Variants in ZNF69 observed in about 807,000 individuals in gnomAD.
ZNF69 encodes the protein zinc finger protein 69, also known as ZNF3.
In ZNF69, 47 loss-of-function variants were observed where a neutral mutation model predicts 50.9. The ratio of observed to expected loss-of-function variants is 0.92; its 90% CI spans 0.73 to 1.18. The LOEUF is 1.18. ZNF69 is among the 50% of genes most tolerant of loss of function. The pLI is 0.00. For missense variants in ZNF69, 717 were observed against 675.1 expected, an observed-to-expected ratio of 1.06 and a Z score of -0.69; for synonymous variants, 216 against 223.1, an observed-to-expected ratio of 0.97 and a Z score of 0.29.
In ZNF69 at chr19:11,887,933, T is replaced by C. The variant is rs1976986224; in HGVS notation, c.10T>C (p.Cys4Arg). The C allele has an allele frequency of 6.2e-7, 1 of 1,612,060 alleles. No homozygotes were observed. Among genetic ancestry groups the C allele is most frequent in the African/African-American group, 1.3e-5 (1 of 74,848 alleles). Residue 4 changes from cysteine to arginine, a missense_variant, in exon 1 of 4, where the codon TGT becomes CGT. By Grantham distance (180) the Cys-to-Arg change is radical. Coordinates refer to ENST00000429654, the MANE Select transcript of ZNF69 (RefSeq NM_001364730.1). Reference protein sequence around the residue: MPCCSHRRCREDPG... With the variant: MPCRSHRRCREDPG... ...CTCTGTCACCTACGCTATGCCCTGCTGTAGTCACAGGAGGTGTAGAGAGGA... is the reference window on the plus strand; with the variant it reads ...CTCTGTCACCTACGCTATGCCCTGCCGTAGTCACAGGAGGTGTAGAGAGGA...
the ZNF69 span, among the ~76,000 whole-genome samples, chr19:11,920,655 A>T: frequency 6.7e-4 from 2 of 2,982 alleles, no homozygotes; most frequent in East Asian, 0.12. Context: ...TGGGAGGCTG[A>T]GGGGGGTGCA....
At chr19:11,976,107 A>G in the ZNF69 span, among the ~76,000 whole-genome samples, 2,721 of 140,110 alleles carry the variant, frequency 0.019, 34 homozygotes, top group African/African-American at 0.027. Context: ...TGTCCCAGGG[A>G]CTCTCTCTCC....
chr19:11,907,920 G>A (rs888058983), downstream of ZNF69, among the ~76,000 whole-genome samples: 3 of 152,172 alleles, frequency 2.0e-5, no homozygotes, highest in African/African-American at 7.2e-5. Flanking sequence ...GCTGTATTCA[G>A]GAGACCCATC....
Position 11,887,984 on chromosome 19 carries a change from A to G in ZNF69, c.61A>G (p.Met21Val). The G allele has an allele frequency of 1.2e-6, 2 of 1,605,462 alleles. No homozygotes were observed. The highest frequency in any genetic ancestry group is 2.3e-5 in the East Asian group (1 of 44,258). ...CCCCGGGACATCTGAAAGCCAGGAA[A>G]TGGTGCGTGTCTGGGGCCGGGTGTC... ...EDPGTSESQEMDPVAFDDVAV... is the reference protein window; with the variant it reads ...EDPGTSESQEVDPVAFDDVAV... The change falls in exon 1 of 4, where the codon ATG (methionine) becomes GTG (valine). Residue 21 changes from methionine (M) to valine (V), a missense_variant and splice_region_variant. By Grantham distance (21) the Met-to-Val change is conservative. Transcript: ENST00000429654.
the ZNF69 span, among the ~76,000 whole-genome samples, chr19:11,925,607 G>A: frequency 6.6e-5 from 10 of 152,224 alleles, no homozygotes; most frequent in East Asian, 1.9e-4. Flanking sequence ...ACTCGGGTGT[G>A]GGGTTCGTGC....
At chr19:11,924,429 C>CT in the ZNF69 span, among the ~76,000 whole-genome samples, 1 of 107,690 alleles carries the variant, frequency 9.3e-6, no homozygotes, top group South Asian at 2.9e-4. Flanking sequence ...AAGACTCCGT[C>CT]TCAAAAAAAA....
chr19:11,947,713 T>C, the ZNF69 span: 10 of 894,180 alleles, frequency 1.1e-5, no homozygotes, highest in Non-Finnish European at 1.7e-5. Context: ...AAAAAACATA[T>C]ATTTAAACGT....
Position 11,904,218 on chromosome 19 carries a change from C to T in ZNF69, c.251+253C>T, listed in dbSNP as rs866779687. On this transcript the variant is annotated intron_variant, in intron 3 of 3. Coordinates refer to ENST00000429654, the MANE Select transcript of ZNF69 (RefSeq NM_001364730.1). ...GAACAGCCTGGGCAACATAACGAGA[C>T]CACATATCAACAACAGCAAAAAATT... Among the ~76,000 whole-genome samples, 39 of 152,188 alleles carry T rather than the reference C, an allele frequency of 2.6e-4. No homozygotes were observed. In the Middle Eastern group the frequency reaches 0.017, roughly 66 times the overall value.
the ZNF69 span, among the ~76,000 whole-genome samples, chr19:11,940,359 C>T: frequency 6.6e-6 from 1 of 152,110 alleles, no homozygotes; most frequent in South Asian, 2.1e-4. Context: ...CTTAAGGTGG[C>T]GTGTCTGGAG....
chr19:11,975,342 G>A, the ZNF69 span, among the ~76,000 whole-genome samples: 4 of 151,566 alleles, frequency 2.6e-5, no homozygotes, highest in East Asian at 7.7e-4. Context: ...CCAAAGTTCT[G>A]GGATTACAGG....
chr19:11,897,303 C>T lies in ZNF69; in HGVS notation c.64-6270C>T, dbSNP rs1297158606. On this transcript the variant is annotated intron_variant, in intron 1 of 3. Transcript: ENST00000429654. ...CCAAGGTGGCGGTGAGCCAAGATCA[C>T]GCCATTGCACTCCAGCCTGGGCAAC... 3.3e-5 allele frequency among the ~76,000 whole-genome samples: 5 copies of T among 152,200 alleles called. 1 individual carries two copies. The highest frequency in any genetic ancestry group is 2.4e-5 in the African/African-American group (1 of 41,548).
chr19:11,894,784 G>A (rs117098377), intron 1 of ZNF69, among the ~76,000 whole-genome samples: 2,766 of 152,286 alleles, frequency 0.018, 33 homozygotes, highest in Non-Finnish European at 0.024. Flanking sequence ...TCGTAAGTTG[G>A]AGACACATGG....
chr19:11,956,723 G>T, the ZNF69 span: 1 of 388,400 alleles, frequency 2.6e-6, no homozygotes, highest in East Asian at 3.6e-5. Context: ...AGGTGTAGGG[G>T]CTCAAGCCTG....
chr19:11,935,459 C>T, the ZNF69 span, among the ~76,000 whole-genome samples: 1 of 151,918 alleles, frequency 6.6e-6, no homozygotes, highest in African/African-American at 2.4e-5. Flanking sequence ...TCTCGAACTC[C>T]TGACCTCGAT....
the ZNF69 span, among the ~76,000 whole-genome samples, chr19:11,945,517 T>C: frequency 2.0e-5 from 3 of 152,094 alleles, no homozygotes; most frequent in Non-Finnish European, 2.9e-5. Flanking sequence ...GGACCTGGAT[T>C]CCTTCAAGAG....
At chr19:11,903,526 T>A (rs1013054933) in intron 1 of ZNF69, 47 bp from the exon 2 acceptor site, 1 of 1,610,456 alleles carries the variant, frequency 6.2e-7, no homozygotes, top group African/African-American at 1.3e-5. Flanking sequence ...AGGCCCCCAG[T>A]GCTGTCACTC....
intron 1 of ZNF69, among the ~76,000 whole-genome samples, chr19:11,895,169 C>G (rs891644599): frequency 6.6e-6 from 1 of 152,188 alleles, no homozygotes. Flanking sequence ...ATTAACTTTA[C>G]GTTGCATTTT....
the ZNF69 span, among the ~76,000 whole-genome samples, chr19:11,951,575 A>G: frequency 2.6e-5 from 4 of 152,064 alleles, no homozygotes; most frequent in Non-Finnish European, 4.4e-5. Flanking sequence ...GTTATCTCAT[A>G]TACCTCTGAG....
chr19:11,910,195 T>C (rs892203985), downstream of ZNF69, among the ~76,000 whole-genome samples: 1 of 152,166 alleles, frequency 6.6e-6, no homozygotes. Context: ...TGGAAGAACA[T>C]TCCATGCTCG....
Sources: gnomAD v4.1 joint callset for allele counts (sites outside exome capture counted in the v4.1 genomes callset) on GRCh38, gnomAD v4.1.1 for gene constraint, MANE v1.5 for transcripts, NCBI Gene and HGNC (gene_info 2026-07-23, HGNC 2026-07-21) for gene names.